The following SCAF8 variants were observed in gnomAD, a reference collection of about 807,000 sequenced individuals.
SCAF8 encodes the protein SR-related CTD associated factor 8.
Under a neutral mutation model 140.5 loss-of-function variants are expected in SCAF8, and 23 were observed. The observed-to-expected ratio is 0.16, with a 90% CI of 0.12 to 0.23. The LOEUF (loss-of-function observed/expected upper bound fraction) is 0.23, where lower values mean the gene tolerates loss of function less well. Among genes scored for constraint, SCAF8 ranks in the 10% least tolerant of loss-of-function variants. SCAF8 has a pLI of 1.00. For missense variants in SCAF8, 1,397 were observed against 1,555.7 expected (o/e 0.90, Z 1.72); for synonymous variants, 575 against 528.9 (o/e 1.09, Z -1.20).
chr6:154,765,917 C>T (rs1157276865), intron 1 of SCAF8, among the ~76,000 whole-genome samples: 1 of 152,032 alleles, frequency 6.6e-6, no homozygotes, highest in African/African-American at 2.4e-5. Context: ...TTTAGGGGCG[C>T]CAACCCCCGT....
chr6:154,756,392 C>T (rs921266794), intron 1 of SCAF8, among the ~76,000 whole-genome samples: 1 of 152,184 alleles, frequency 6.6e-6, no homozygotes, highest in Non-Finnish European at 1.5e-5. Context: ...ATCACTCTCC[C>T]GCTCTACCTC....
intron 1 of SCAF8, among the ~76,000 whole-genome samples, chr6:154,765,105 T>C (rs1368845205): frequency 6.6e-6 from 1 of 152,238 alleles, no homozygotes; most frequent in Non-Finnish European, 1.5e-5. Flanking sequence ...TATTAAAAGC[T>C]TCTAATGGGC....
intron 15 of SCAF8, among the ~76,000 whole-genome samples, chr6:154,820,619 G>C (rs1205297706): frequency 1.3e-5 from 2 of 152,036 alleles, no homozygotes; most frequent in African/African-American, 4.8e-5. Context: ...AGGGATTTTT[G>C]AAACTAAATA....
chr6:154,741,653 C>CGCCTCG lies in SCAF8; in HGVS notation c.30+7729_30+7734dup, dbSNP rs1398139204. Among the ~76,000 whole-genome samples the CGCCTCG allele has an allele frequency of 1.7e-4, 26 of 152,166 alleles. No homozygotes were observed. In the East Asian group the frequency reaches 3.9e-3, roughly 23 times the overall value. ...AACTCCTGACCTCAAGTGATCCGCC[C>CGCCTCG]GCCTCGGCCTCCCAAAGTGCTGGGA... is the stretch of plus-strand genomic sequence containing the variant. On this transcript the variant is annotated intron_variant, in intron 1 of 19. Transcript: ENST00000367178.
intron 1 of SCAF8, among the ~76,000 whole-genome samples, chr6:154,754,326 G>T (rs536118887): frequency 2.0e-5 from 3 of 152,218 alleles, no homozygotes; most frequent in Non-Finnish European, 2.9e-5. Context: ...TTATTCGTTG[G>T]TGCTACTAAA....
intron 5 of SCAF8, among the ~76,000 whole-genome samples, chr6:154,793,467 ATTT>A (rs540331720): frequency 2.3e-3 from 356 of 151,730 alleles, no homozygotes; most frequent in African/African-American, 7.9e-3. Context: ...TTTTTTCATA[ATTT>A]TTTCATAATT....
intron 1 of SCAF8, among the ~76,000 whole-genome samples, chr6:154,735,463 T>TACTACATTTTTTATTTTTAAC (rs1477547442): frequency 1.3e-5 from 2 of 151,862 alleles, no homozygotes; most frequent in Non-Finnish European, 2.9e-5. Flanking sequence ...TCTTTTTTAA[T>TACTACATTTTTTATTTTTAAC]ACTACATTTT....
At chr6:154,757,256 A>G (rs959403561) in intron 1 of SCAF8, among the ~76,000 whole-genome samples, 9 of 152,168 alleles carry the variant, frequency 5.9e-5, no homozygotes, top group Non-Finnish European at 1.0e-4. Context: ...TGGCCTCCCA[A>G]AGTGCTGGGA....
chr6:154,823,218 C>T (rs188738142), intron 16 of SCAF8, among the ~76,000 whole-genome samples: 7 of 152,172 alleles, frequency 4.6e-5, no homozygotes, highest in Admixed American at 4.6e-4. Context: ...GATGGTGGGT[C>T]TTTACATGTG....
intron 8 of SCAF8, among the ~76,000 whole-genome samples, chr6:154,805,125 T>C (rs1002062753): frequency 1.3e-5 from 2 of 152,176 alleles, no homozygotes; most frequent in Non-Finnish European, 2.9e-5. Context: ...GATGGTAATA[T>C]CAGATCTTCA....
rs554659391 is a variant in SCAF8, at chr6:154,833,556, T to C, written c.*161T>C. 3.1e-6 allele frequency: 2 copies of C among 651,540 alleles called. No homozygotes were observed. The highest frequency in any genetic ancestry group is 3.4e-5 in the Admixed American group (1 of 29,784). The allele number at this position is 651,540 out of a possible 1,614,324, so 40.4% of individuals were successfully genotyped here. On this transcript the variant is annotated 3_prime_UTR_variant, in exon 20 of 20. Transcript: ENST00000367178. The stretch of plus-strand genomic sequence containing the variant: ...TTAAAATAATTGTACAACTGACTTG[T>C]ATAGACATTGTTCTTAATATGAACA...
At position 154,733,485 on chromosome 6, in the gene SCAF8, C is replaced by T. The variant is rs1455076775; in HGVS notation, c.-416C>T. On this transcript the variant is annotated 5_prime_UTR_variant, in exon 1 of 20. Coordinates refer to ENST00000367178, the MANE Select transcript of SCAF8 (RefSeq NM_014892.5). ...CTTCGCCGAGCGGGGCTGGTTCCTG[C>T]GGCCCGAGCGGCGGGGAGGTGAAAC... The T allele has an allele frequency of 2.3e-6, 3 of 1,329,646 alleles. No homozygotes were observed. Among genetic ancestry groups the T allele is most frequent in the Non-Finnish European group, 1.9e-6 (2 of 1,043,140 alleles). 82.4% of individuals were successfully genotyped at this position (1,329,646 alleles called of 1,614,324 possible).
chr6:154,751,832 T>C (rs1314174808), intron 1 of SCAF8, among the ~76,000 whole-genome samples: 1 of 152,162 alleles, frequency 6.6e-6, no homozygotes, highest in Non-Finnish European at 1.5e-5. Context: ...ATAAGGAGCA[T>C]ACTACTGTGC....
At chr6:154,736,900 TA>T (rs560509087) in intron 1 of SCAF8, among the ~76,000 whole-genome samples, 287 of 152,282 alleles carry the variant, frequency 1.9e-3, no homozygotes, top group African/African-American at 5.4e-3. Context: ...GGAGTTAGCT[TA>T]AAAATAGCAG....
In SCAF8 at chr6:154,784,155, A is replaced by ATATATATATTTATT. The variant is rs1408182952; in HGVS notation, c.160-3703_160-3702insATATATTTATTTAT. Among the ~76,000 whole-genome samples the ATATATATATTTATT allele has an allele frequency of 1.1e-3, 104 of 91,906 alleles. 1 individual carries two copies. Among genetic ancestry groups the ATATATATATTTATT allele is most frequent in the East Asian group, 2.5e-3 (7 of 2,850 alleles). 60.3% of individuals were successfully genotyped at this position (91,906 alleles called of 152,430 possible). ...TATATATATATATATATATATATAT[A>ATATATATATTTATT]TATTTATTTATTTATTTTTCATGTA... On this transcript the variant is annotated intron_variant, in intron 3 of 19. Coordinates refer to ENST00000367178, the MANE Select transcript of SCAF8 (RefSeq NM_014892.5).
At chr6:154,825,603 CTG>C (rs1319971603) in intron 17 of SCAF8, among the ~76,000 whole-genome samples, 2 of 132,726 alleles carry the variant, frequency 1.5e-5, no homozygotes, top group Non-Finnish European at 3.0e-5. Context: ...CTACAGTGAA[CTG>C]TGTTCGCACC....
At chr6:154,801,742 A>G (rs539103690) in intron 6 of SCAF8, among the ~76,000 whole-genome samples, 1 of 151,634 alleles carries the variant, frequency 6.6e-6, no homozygotes, top group African/African-American at 2.4e-5. Flanking sequence ...GTCACAGATC[A>G]CTTTATTTTG....
intron 1 of SCAF8, among the ~76,000 whole-genome samples, chr6:154,740,625 CTTTTTTT>C (rs66980794): frequency 1.4e-5 from 2 of 138,524 alleles, no homozygotes; most frequent in Non-Finnish European, 3.1e-5. Flanking sequence ...TTTTCTTTTT[CTTTTTTT>C]TTTTTTTGAG....
At chr6:154,765,262 T>G (rs1554258813) in intron 1 of SCAF8, among the ~76,000 whole-genome samples, 1 of 152,178 alleles carries the variant, frequency 6.6e-6, no homozygotes, top group Non-Finnish European at 1.5e-5. Flanking sequence ...GATGGAGGTC[T>G]TTGGAGGATT....
Sources: gnomAD v4.1 joint callset for allele counts (sites outside exome capture counted in the v4.1 genomes callset) on GRCh38, gnomAD v4.1.1 for gene constraint, MANE v1.5 for transcripts, NCBI Gene and HGNC (gene_info 2026-07-23, HGNC 2026-07-21) for gene names.